The following PTPRA variants were observed in gnomAD, a reference collection of about 807,000 sequenced individuals.
The protein encoded by PTPRA is receptor-type tyrosine-protein phosphatase alpha.
A neutral mutation model predicts 104.8 loss-of-function variants in PTPRA; 25 were observed. That is an observed-to-expected ratio of 0.24 (90% CI 0.17 to 0.33). The LOEUF is 0.33. PTPRA is among the 10% of genes least tolerant of loss of function. PTPRA has a pLI of 1.00. For synonymous variants in PTPRA, 323 were observed against 368.9 expected (o/e 0.88, Z 1.43); for missense variants, 765 against 1,015.3 (o/e 0.75, Z 3.35).
At chr20:2,944,044 T>TC (rs2147699350) in intron 2 of PTPRA, among the ~76,000 whole-genome samples, 1 of 149,500 alleles carries the variant, frequency 6.7e-6, no homozygotes, top group African/African-American at 2.4e-5. Context: ...CTGGTCTTTT[T>TC]TTTTTTTTTT....
At chr20:2,943,211 C>T (rs1490756422) in intron 2 of PTPRA, among the ~76,000 whole-genome samples, 1 of 99,926 alleles carries the variant, frequency 1.0e-5, no homozygotes, top group Non-Finnish European at 2.0e-5. Flanking sequence ...ACATATCCCC[C>T]CACCCCCCCC....
At chr20:3,034,219 C>G (rs2065682139) in intron 20 of PTPRA, among the ~76,000 whole-genome samples, 1 of 151,930 alleles carries the variant, frequency 6.6e-6, no homozygotes, top group African/African-American at 2.4e-5. Context: ...TGCAGTAAGT[C>G]AAGATCATGC....
chr20:2,986,387 C>T (rs992849205), intron 6 of PTPRA, among the ~76,000 whole-genome samples: 1 of 152,242 alleles, frequency 6.6e-6, no homozygotes, highest in African/African-American at 2.4e-5. Context: ...TGAATGTGTT[C>T]ATGCCTCCAG....
Position 2,965,068 on chromosome 20 carries a change from C to T in PTPRA, c.281C>T (p.Thr94Ile). ...AATGGGACCACAAGAACAGCAAGCA[C>T]CAATTCTATAGGCATTACAATTTCA... Reference protein sequence around the residue: ...SDNGTTRTASTNSIGITISPN... With the variant: ...SDNGTTRTASINSIGITISPN... The change falls in exon 5 of 24, where the codon ACC becomes ATC. Residue 94 changes from threonine to isoleucine, a missense_variant. Thr to Ile is a moderately conservative substitution (Grantham distance 89). This residue lies in a region of PTPRA where 256 missense variants were observed against 248.9 expected (regional missense o/e 1.03). Transcript: ENST00000399903. 4.3e-6 allele frequency: 7 copies of T among 1,614,036 alleles called. No homozygotes were observed. The highest frequency in any genetic ancestry group is 5.9e-6 in the Non-Finnish European group (7 of 1,179,920).
chr20:3,010,157 T>G (rs2064090063), intron 11 of PTPRA, among the ~76,000 whole-genome samples: 1 of 149,950 alleles, frequency 6.7e-6, no homozygotes, highest in Admixed American at 6.7e-5. Flanking sequence ...GCTGGAACAT[T>G]TATTTGTCTC....
At chr20:2,955,871 T>C (rs1388141446) in intron 3 of PTPRA, among the ~76,000 whole-genome samples, 1 of 152,212 alleles carries the variant, frequency 6.6e-6, no homozygotes, top group East Asian at 1.9e-4. Flanking sequence ...ATTGCCTGTC[T>C]GCCATTCTGT....
chr20:3,037,438 G>A lies in PTPRA; in HGVS notation c.2334+149G>A, dbSNP rs763585810. 227 of 1,288,972 alleles carry A rather than the reference G, an allele frequency of 1.8e-4. No individual in the cohort carries two copies. The highest frequency in any genetic ancestry group is 2.3e-4 in the Non-Finnish European group (218 of 940,928). The allele number at this position is 1,288,972 out of a possible 1,614,324, so 79.8% of individuals were successfully genotyped here. On this transcript the variant is annotated intron_variant, in intron 23 of 23. Coordinates refer to ENST00000399903, the MANE Select transcript of PTPRA (RefSeq NM_001385305.1). This position sits in a 1 kb window ranked among gnomAD's most constrained non-coding sequence, Gnocchi z 4.3. ...CCTCCCAAGGTGCCCCAAATACACAGGAAACATTGGGAGGCAGGATGGCAG... is the reference window on the plus strand; with the variant it reads ...CCTCCCAAGGTGCCCCAAATACACAAGAAACATTGGGAGGCAGGATGGCAG...
At chr20:2,931,703 G>A (rs1322723442) in intron 2 of PTPRA, among the ~76,000 whole-genome samples, 1 of 137,238 alleles carries the variant, frequency 7.3e-6, no homozygotes, top group Non-Finnish European at 1.5e-5. Context: ...AGTGAAGGCA[G>A]GGACGGGTCT....
chr20:2,937,939 A>T (rs1180830720), intron 2 of PTPRA, among the ~76,000 whole-genome samples: 1 of 152,112 alleles, frequency 6.6e-6, no homozygotes, highest in Non-Finnish European at 1.5e-5. Context: ...TCAAATTGTT[A>T]TTCTCCTATG....
In PTPRA at chr20:2,961,718, T is replaced by A. The variant is rs529649113; in HGVS notation, c.-6-2554T>A. Reference sequence around the variant, plus strand: ...CAAAGTCATCTAGATTTTCTCCTGTTATCTTCTTGGCATTTTATAGTCTTA... The same window carrying A: ...CAAAGTCATCTAGATTTTCTCCTGTAATCTTCTTGGCATTTTATAGTCTTA... On this transcript the variant is annotated intron_variant, in intron 3 of 23. Coordinates refer to ENST00000399903, the MANE Select transcript of PTPRA (RefSeq NM_001385305.1). Among the ~76,000 whole-genome samples the A allele has an allele frequency of 4.9e-3, 754 of 152,374 alleles. 3 individuals carry two copies. Among genetic ancestry groups the A allele is most frequent in the South Asian group, 8.1e-3 (39 of 4,828 alleles).
intron 6 of PTPRA, among the ~76,000 whole-genome samples, chr20:2,975,811 A>T (rs2062409534): frequency 6.6e-6 from 1 of 152,222 alleles, no homozygotes; most frequent in African/African-American, 2.4e-5. Context: ...CTAGAATGAC[A>T]GTAAGGCTGC....
chr20:2,931,379 G>A (rs1223049042), intron 2 of PTPRA, among the ~76,000 whole-genome samples: 1 of 152,152 alleles, frequency 6.6e-6, no homozygotes, highest in Admixed American at 6.5e-5. Flanking sequence ...AAATAAAGAT[G>A]TCTAGAGAAT....
chr20:2,946,182 C>T (rs2061123834), intron 2 of PTPRA, among the ~76,000 whole-genome samples: 1 of 151,936 alleles, frequency 6.6e-6, no homozygotes, highest in Non-Finnish European at 1.5e-5. Context: ...AGTGTGAAGA[C>T]TAGATGACAA....
chr20:2,917,935 A>C lies in PTPRA; in HGVS notation c.-128-5272A>C, dbSNP rs534256889. Among the ~76,000 whole-genome samples the C allele has an allele frequency of 1.0e-3, 152 of 152,132 alleles. 1 individual carries two copies. Among genetic ancestry groups the C allele is most frequent in the African/African-American group, 3.3e-3 (135 of 41,488 alleles). ...GAAACCCCGTTTCTACTAAAAATAC[A>C]AAACTTAGCTGGGCAGAGTGGCAGG... On this transcript the variant is annotated intron_variant, in intron 1 of 23. Transcript: ENST00000399903.
At chr20:2,971,810 T>G (rs2062199717) in intron 5 of PTPRA, among the ~76,000 whole-genome samples, 1 of 152,138 alleles carries the variant, frequency 6.6e-6, no homozygotes. Flanking sequence ...TTTTGGTCTG[T>G]TTCTATGGTG....
chr20:2,936,610 G>A (rs146203330), intron 2 of PTPRA, among the ~76,000 whole-genome samples: 263 of 150,992 alleles, frequency 1.7e-3, no homozygotes, highest in African/African-American at 5.7e-3. Context: ...ACAGATGCAT[G>A]CCATCATGCC....
intron 1 of PTPRA, among the ~76,000 whole-genome samples, chr20:2,901,891 T>TC: frequency 1.4e-5 from 2 of 143,698 alleles, no homozygotes; most frequent in South Asian, 4.4e-4. Context: ...TGATTTTTTC[T>TC]TTTTTTTTTT....
chr20:3,033,487 C>A (rs1222305491), intron 20 of PTPRA, among the ~76,000 whole-genome samples: 1 of 152,038 alleles, frequency 6.6e-6, no homozygotes, highest in East Asian at 1.9e-4. Context: ...ATATGCGCAG[C>A]CTCGTCTGCA....
At chr20:2,998,943 CAT>C (rs200682450) in intron 9 of PTPRA, among the ~76,000 whole-genome samples, 2,228 of 120,864 alleles carry the variant, frequency 0.018, 114 homozygotes, top group Admixed American at 0.11. Flanking sequence ...TTATATATGA[CAT>C]ATTTATAATT....
Sources: allele counts gnomAD v4.1 joint callset (sites outside exome capture counted in the v4.1 genomes callset), GRCh38; gene constraint gnomAD v4.1.1; regional missense constraint gnomAD v4.1.1; non-coding constraint Gnocchi (gnomAD v3.1); transcripts MANE v1.5; gene names NCBI Gene and HGNC (gene_info 2026-07-23, HGNC 2026-07-21).